The following TMEM255B variants were observed in gnomAD, a reference collection of about 807,000 sequenced individuals.
The protein encoded by TMEM255B is family with sequence similarity 70, member B.
A neutral mutation model predicts 34.5 loss-of-function variants in TMEM255B; 35 were observed. The ratio of observed to expected loss-of-function variants is 1.01; its 90% confidence interval spans 0.77 to 1.34. TMEM255B has a LOEUF of 1.34. TMEM255B is among the 40% of genes most tolerant of loss of function. The probability of loss-of-function intolerance (pLI) is 0.00; values close to 1 mark genes in which losing one functional copy is unlikely to be tolerated. For synonymous variants in TMEM255B, 206 were observed against 201.2 expected, an observed-to-expected ratio of 1.02 and a Z score of -0.20; for missense variants, 432 against 433.2, an observed-to-expected ratio of 1.00 and a Z score of 0.02.
chr13:113,810,566 A>G (rs546084800), intron 8 of TMEM255B, among the ~76,000 whole-genome samples: 51 of 152,290 alleles, frequency 3.3e-4, no homozygotes, highest in African/African-American at 1.2e-3. Flanking sequence ...TGACTGGCTG[A>G]TGACTGTGGG....
Position 113,811,882 on chromosome 13 carries a change from G to A in TMEM255B, c.960G>A (p.Lys320=). Residue 320 remains lysine, a synonymous_variant, in exon 9 of 9, where the codon AAG becomes AAA. Transcript: ENST00000375353. The part of the protein sequence containing the change: ...YAPTYFPPGE[K]PPPYAP ...CCACCTACTTTCCCCCGGGGGAGAA[G>A]CCACCCCCCTACGCACCCTGATAGA... 6.2e-7 allele frequency: 1 copy of A among 1,612,798 alleles called. No individual in the cohort carries two copies. Among genetic ancestry groups the A allele is most frequent in the African/African-American group, 1.3e-5 (1 of 74,872 alleles).
At position 113,806,496 on chromosome 13, in the gene TMEM255B, G is replaced by A. The variant is rs763612239; in HGVS notation, c.813+1468G>A. ...ACTTCGAATATAAAGCTGGGGCCCT[G>A]CTCCCTGGGAACACAAGGCCCCTGC... On this transcript the variant is annotated intron_variant, in intron 8 of 8. Coordinates refer to ENST00000375353, the MANE Select transcript of TMEM255B (RefSeq NM_182614.4). This position sits in a 1 kb window ranked among gnomAD's most constrained non-coding sequence, Gnocchi z 4.2. Among the ~76,000 whole-genome samples the A allele has an allele frequency of 2.6e-5, 4 of 152,182 alleles. No individual in the cohort carries two copies. Among genetic ancestry groups the A allele is most frequent in the Non-Finnish European group, 5.9e-5 (4 of 68,016 alleles).
intron 1 of TMEM255B, 53 bp from the exon 2 acceptor site, chr13:113,766,062 C>T (rs936956935): frequency 4.5e-5 from 72 of 1,605,622 alleles, no homozygotes; most frequent in African/African-American, 3.3e-4. Flanking sequence ...GCTGGCCTGA[C>T]GCCCTCCTGA....
At chr13:113,782,569 C>T (rs572941179) in intron 3 of TMEM255B, among the ~76,000 whole-genome samples, 64 of 152,308 alleles carry the variant, frequency 4.2e-4, no homozygotes, top group African/African-American at 1.5e-3. Context: ...GTCCCAGTTA[C>T]CCTGGGTTCC....
chr13:113,806,416 GACA>G lies in TMEM255B; in HGVS notation c.813+1392_813+1394del, dbSNP rs1366233626. Among the ~76,000 whole-genome samples the G allele has an allele frequency of 3.3e-5, 5 of 152,166 alleles. No individual in the cohort carries two copies. Among genetic ancestry groups the G allele is most frequent in the African/African-American group, 1.2e-4 (5 of 41,430 alleles). On this transcript the variant is annotated intron_variant, in intron 8 of 8. Transcript: ENST00000375353. The surrounding 1 kb of genome is among the most constrained non-coding windows in gnomAD (Gnocchi z 4.2). ...GGCTCAGTGGAGATGACCAGGGCCT[GACA>G]ACATCTCCTCGTGGAGGGATCCCTG...
chr13:113,759,370 C>T (rs1407575131), intron 1 of TMEM255B, 55 bp downstream of exon 1: 11 of 1,225,366 alleles, frequency 9.0e-6, no homozygotes, highest in Non-Finnish European at 1.1e-5. Flanking sequence ...GTGGGGACCC[C>T]GGGGCTGGGA....
Position 113,760,355 on chromosome 13 carries a change from CTAT to C in TMEM255B, c.46+1051_46+1053del, listed in dbSNP as rs528697388. On this transcript the variant is annotated intron_variant, in intron 1 of 8. Coordinates refer to ENST00000375353, the MANE Select transcript of TMEM255B (RefSeq NM_182614.4). ...GTCTATTGGTGTTTAATAATGATAA[CTAT>C]TATTATTATTTATTAACTAGTTTTA... Among the ~76,000 whole-genome samples the C allele has an allele frequency of 6.8e-3, 1,030 of 152,084 alleles. 5 individuals are homozygous for C. The highest frequency in any genetic ancestry group is 0.017 in the African/African-American group (714 of 41,488).
In TMEM255B at chr13:113,816,176, G is replaced by A. The variant is rs1379531718; in HGVS notation, c.*4273G>A. The A allele has an allele frequency of 3.9e-5, 6 of 152,912 alleles. No homozygotes were observed. Among genetic ancestry groups the A allele is most frequent in the African/African-American group, 1.1e-4 (4 of 36,834 alleles). 9.5% of individuals were successfully genotyped at this position (152,912 alleles called of 1,614,324 possible). ...CTGGTCAGGGACACGAGTTCTTTTCGGGGAGGCAAGCGTGTTTGCAGCGTG... is the reference window on the plus strand; with the variant it reads ...CTGGTCAGGGACACGAGTTCTTTTCAGGGAGGCAAGCGTGTTTGCAGCGTG... On this transcript the variant is annotated 3_prime_UTR_variant, in exon 9 of 9. Coordinates refer to ENST00000375353, the MANE Select transcript of TMEM255B (RefSeq NM_182614.4).
chr13:113,807,681 TCA>T (rs1180106453), intron 8 of TMEM255B, among the ~76,000 whole-genome samples: 3 of 135,964 alleles, frequency 2.2e-5, no homozygotes, highest in Non-Finnish European at 4.7e-5. Flanking sequence ...GTCCTCCCCG[TCA>T]CACGCAGGCT....
chr13:113,801,854 G>T (rs562281687), intron 7 of TMEM255B, 42 bp downstream of exon 7: 2 of 1,522,348 alleles, frequency 1.3e-6, no homozygotes, highest in South Asian at 1.3e-5. Context: ...ACTGGGAGCC[G>T]GGGCTCCGGG....
At chr13:113,766,015 C>A (rs1442392646) in intron 1 of TMEM255B, 100 bp from the exon 2 acceptor site, 1 of 1,528,840 alleles carries the variant, frequency 6.5e-7, no homozygotes, top group Non-Finnish European at 8.9e-7. Context: ...ATAGTGCATC[C>A]CAGGACCCCT....
At position 113,775,015 on chromosome 13, in the gene TMEM255B, A is replaced by G. The variant is rs544272078; in HGVS notation, c.252+5855A>G. 3.5e-3 allele frequency among the ~76,000 whole-genome samples: 500 copies of G among 143,862 alleles called. 2 individuals are homozygous for G. The highest frequency in any genetic ancestry group is 5.7e-3 in the Non-Finnish European group (378 of 65,886). The allele number at this position is 143,862 out of a possible 152,430, so 94.4% of individuals were successfully genotyped here. ...ACACACCACACACTCCACACAATAC[A>G]CAACACACACCACACATGACACACA... On this transcript the variant is annotated intron_variant, in intron 3 of 8. Transcript: ENST00000375353.
In TMEM255B at chr13:113,768,715, T is replaced by G. The variant is rs548091738; in HGVS notation, c.190-383T>G. ...AACACGGCTGTAGTTCCCTAATACC[T>G]TACCCAGGAGCCATGCTCAGGGGCA... On this transcript the variant is annotated intron_variant, in intron 2 of 8. Transcript: ENST00000375353. Among the ~76,000 whole-genome samples the G allele has an allele frequency of 3.2e-3, 482 of 152,290 alleles. 2 individuals are homozygous for G. Among genetic ancestry groups the G allele is most frequent in the African/African-American group, 0.011 (466 of 41,564 alleles).
At position 113,804,980 on chromosome 13, in the gene TMEM255B, G is replaced by C. The variant is rs756680297; in HGVS notation, c.765G>C (p.Leu255=). 1 of 1,606,598 alleles carries C rather than the reference G, an allele frequency of 6.2e-7. No individual in the cohort carries two copies. Among genetic ancestry groups the C allele is most frequent in the South Asian group, 1.1e-5 (1 of 90,948 alleles). Residue 255 remains leucine, a synonymous_variant, in exon 8 of 9, where the codon CTG becomes CTC. Transcript: ENST00000375353. The part of the protein sequence containing the change: ...QQILAYAGFR[L]TPEPVPTCSS... ...TCCTGGCCTACGCAGGCTTCCGCCT[G>C]ACGCCCGAGCCCGTCCCGACCTGCT... is the stretch of plus-strand genomic sequence containing the variant.
intron 3 of TMEM255B, among the ~76,000 whole-genome samples, chr13:113,781,717 A>T (rs999413304): frequency 1.3e-5 from 2 of 152,192 alleles, no homozygotes; most frequent in African/African-American, 4.8e-5. Flanking sequence ...GTGGCATTTT[A>T]TAAAGCATTT....
At position 113,811,729 on chromosome 13, in the gene TMEM255B, A is replaced by G. The variant is rs757874601; in HGVS notation, c.814-7A>G. On this transcript the variant is annotated splice_region_variant and splice_polypyrimidine_tract_variant and intron_variant, in intron 8 of 8. Transcript: ENST00000375353. The stretch of plus-strand genomic sequence containing the variant: ...TGCTAACCCAGGGCCCTCTCTGTTT[A>G]TTGCAGCCCTGCAGCCGCTTCCCAG... The G allele has an allele frequency of 6.2e-7, 1 of 1,613,272 alleles. No homozygotes were observed. Among genetic ancestry groups the G allele is most frequent in the Non-Finnish European group, 8.5e-7 (1 of 1,179,708 alleles).
intron 7 of TMEM255B, among the ~76,000 whole-genome samples, chr13:113,804,014 C>CT (rs2051116744): frequency 6.6e-6 from 1 of 151,530 alleles, no homozygotes; most frequent in African/African-American, 2.4e-5. Flanking sequence ...CCCTGGCTTC[C>CT]TCCAGGGTGC....
intron 5 of TMEM255B, 82 bp from the exon 6 acceptor site, chr13:113,800,745 C>T: frequency 7.3e-7 from 1 of 1,367,886 alleles, no homozygotes; most frequent in African/African-American, 1.4e-5. Context: ...GCTCCCAGCT[C>T]CCATGAGGCA....
intron 7 of TMEM255B, among the ~76,000 whole-genome samples, chr13:113,803,981 G>A (rs548081494): frequency 9.8e-5 from 2 of 20,392 alleles, no homozygotes; most frequent in East Asian, 8.8e-3. Flanking sequence ...CTCTGGCCTG[G>A]CTTCCCCGCC....
Sources: gnomAD v4.1 joint callset for allele counts (sites outside exome capture counted in the v4.1 genomes callset) on GRCh38, gnomAD v4.1.1 for gene constraint, Gnocchi (gnomAD v3.1) non-coding constraint, MANE v1.5 for transcripts, NCBI Gene and HGNC (gene_info 2026-07-23, HGNC 2026-07-21) for gene names.